Variants in TTC7A observed in about 807,000 individuals in gnomAD.
TTC7A encodes tetratricopeptide repeat domain 7A, also known as tetratricopeptide repeat protein 7A.
A neutral mutation model predicts 103.7 loss-of-function variants in TTC7A; 110 were observed. That is an observed-to-expected ratio of 1.06 (90% CI 0.91 to 1.24). The LOEUF (loss-of-function observed/expected upper bound fraction) is 1.24, where lower values mean the gene tolerates loss of function less well. TTC7A is among the 50% of genes most tolerant of loss of function. The probability of loss-of-function intolerance (pLI) is 0.00; values close to 1 mark genes in which losing one functional copy is unlikely to be tolerated. For synonymous variants in TTC7A, 521 were observed against 467.9 expected (o/e 1.11, Z -1.47); for missense variants, 1,340 against 1,116.3 (o/e 1.20, Z -2.86).
chr2:47,058,797 T>A (rs1683527108), intron 18 of TTC7A, among the ~76,000 whole-genome samples: 1 of 152,000 alleles, frequency 6.6e-6, no homozygotes, highest in Non-Finnish European at 1.5e-5. Flanking sequence ...GCCACGTGGG[T>A]CTGAAATGTG....
intron 19 of TTC7A, among the ~76,000 whole-genome samples, chr2:47,073,246 C>T (rs538125022): frequency 1.8e-4 from 28 of 152,280 alleles, no homozygotes; most frequent in South Asian, 8.3e-4. Flanking sequence ...GACGCATGGC[C>T]CCACTGAGTG....
At chr2:47,019,277 A>C (rs984908293) in intron 11 of TTC7A, among the ~76,000 whole-genome samples, 4 of 152,140 alleles carry the variant, frequency 2.6e-5, no homozygotes, top group African/African-American at 9.7e-5. Flanking sequence ...TCACACCTGT[A>C]ATCCCAGCAC....
rs774395318 is a variant in TTC7A, at chr2:47,008,903, C to CA, written c.1287+2192dup. Among the ~76,000 whole-genome samples, 1,099 of 118,778 alleles carry CA rather than the reference C, an allele frequency of 9.3e-3. 15 individuals are homozygous for CA. Among genetic ancestry groups the CA allele is most frequent in the African/African-American group, 0.028 (918 of 32,690 alleles). The allele number at this position is 118,778 out of a possible 152,430, so 77.9% of individuals were successfully genotyped here. On this transcript the variant is annotated intron_variant, in intron 10 of 19. Coordinates refer to ENST00000319190, the MANE Select transcript of TTC7A (RefSeq NM_020458.4). ...CTGTGTTGCTAGGTAACCAGCATGA[C>CA]AAAAAAAAAAAAAGCTGCTGCTCCG...
intron 2 of TTC7A, 41 bp from the exon 3 acceptor site, chr2:46,956,798 A>G: frequency 6.2e-7 from 1 of 1,610,950 alleles, no homozygotes; most frequent in Non-Finnish European, 8.5e-7. Flanking sequence ...CCCCAAGGTA[A>G]CTTTGGGGCA....
At chr2:46,937,823 G>A (rs1670056277), upstream of TTC7A, among the ~76,000 whole-genome samples, 1 of 152,212 alleles carries the variant, frequency 6.6e-6, no homozygotes, top group South Asian at 2.1e-4. This position sits in a 1 kb window ranked among gnomAD's most constrained non-coding sequence, Gnocchi z 4.0. Flanking sequence ...TCTTTTGGAG[G>A]CTATCGGCAG....
rs192078968 is a variant in TTC7A at position 47,002,280 on chromosome 2, G to C, written c.1066-3642G>C. On this transcript the variant is annotated intron_variant, in intron 8 of 19. Transcript: ENST00000319190. ...CCCAGCGCTGGGCAGCCTTGGGGTG[G>C]GTGTGGGGGTTATGGCAGTGCACAC... 2.8e-3 allele frequency among the ~76,000 whole-genome samples: 422 copies of C among 152,308 alleles called. 4 individuals are homozygous for C. The highest frequency in any genetic ancestry group is 9.8e-3 in the African/African-American group (406 of 41,568).
chr2:46,943,559 C>T (rs931618865), intron 1 of TTC7A, among the ~76,000 whole-genome samples: 1 of 152,202 alleles, frequency 6.6e-6, no homozygotes, highest in African/African-American at 2.4e-5. Context: ...CATGCATATG[C>T]ACACACACAA....
chr2:47,038,882 G>C (rs1437621864), intron 15 of TTC7A, among the ~76,000 whole-genome samples: 1 of 152,036 alleles, frequency 6.6e-6, no homozygotes, highest in African/African-American at 2.4e-5. Flanking sequence ...CCGTTCTTCA[G>C]CAATTTGTTG....
chr2:46,973,234 G>C (rs904104522), intron 3 of TTC7A, among the ~76,000 whole-genome samples: 3 of 152,194 alleles, frequency 2.0e-5, no homozygotes, highest in Non-Finnish European at 4.4e-5. Flanking sequence ...GAAGGGAAGG[G>C]GAGAAACTTG....
At chr2:46,955,784 A>T (rs2104009322) in intron 2 of TTC7A, among the ~76,000 whole-genome samples, 1 of 152,240 alleles carries the variant, frequency 6.6e-6, no homozygotes, top group South Asian at 2.1e-4. Context: ...CCCTACAGGG[A>T]GACAGGGGTA....
intron 2 of TTC7A, among the ~76,000 whole-genome samples, chr2:46,927,704 A>T (rs1007494096): frequency 6.6e-6 from 1 of 152,050 alleles, no homozygotes; most frequent in Non-Finnish European, 1.5e-5. Context: ...CTGACTTCTC[A>T]CAACAGGAAC....
At chr2:46,970,156 A>G (rs1673227181) in intron 3 of TTC7A, among the ~76,000 whole-genome samples, 1 of 151,932 alleles carries the variant, frequency 6.6e-6, no homozygotes, top group Admixed American at 6.6e-5. Flanking sequence ...AGCCCAGCTA[A>G]TTTTTTCTAT....
chr2:47,071,264 C>T (rs1207430704), intron 19 of TTC7A: 1 of 152,190 alleles, frequency 6.6e-6, no homozygotes, highest in African/African-American at 2.4e-5. Context: ...AGGCCCTGGG[C>T]CTCTGGGCCC....
At chr2:46,993,890 C>T (rs1675885151) in intron 6 of TTC7A, among the ~76,000 whole-genome samples, 1 of 152,212 alleles carries the variant, frequency 6.6e-6, no homozygotes, top group Non-Finnish European at 1.5e-5. Context: ...CCTGCCCCAA[C>T]ACAGGCCTGC....
At chr2:46,951,188 G>A (rs1031861317) in intron 2 of TTC7A, among the ~76,000 whole-genome samples, 2 of 152,070 alleles carry the variant, frequency 1.3e-5, no homozygotes, top group African/African-American at 2.4e-5. Flanking sequence ...GGAGGTAGAG[G>A]ACCCACCTCT....
chr2:46,953,920 C>T (rs919370597), intron 2 of TTC7A, among the ~76,000 whole-genome samples: 5 of 151,292 alleles, frequency 3.3e-5, no homozygotes, highest in African/African-American at 9.7e-5. Flanking sequence ...GCCTTGGTCT[C>T]CCAAAGTGCT....
intron 3 of TTC7A, among the ~76,000 whole-genome samples, chr2:46,957,960 G>A (rs1672032214): frequency 6.6e-6 from 1 of 152,112 alleles, no homozygotes; most frequent in African/African-American, 2.4e-5. Flanking sequence ...CTATCTTGTG[G>A]GGAAACTGAG....
At chr2:47,047,453 G>C in intron 16 of TTC7A, 1 of 655,896 alleles carries the variant, frequency 1.5e-6, no homozygotes. Context: ...CTCTGGGGTT[G>C]AGGGACTTTT....
intron 14 of TTC7A, among the ~76,000 whole-genome samples, chr2:47,026,522 G>A (rs967849212): frequency 2.6e-5 from 4 of 152,224 alleles, no homozygotes; most frequent in Non-Finnish European, 4.4e-5. Flanking sequence ...GGAAGGCTGG[G>A]TCTGAGGTTT....
Sources: gnomAD v4.1 joint callset for allele counts (sites outside exome capture counted in the v4.1 genomes callset) on GRCh38, gnomAD v4.1.1 for gene constraint, Gnocchi (gnomAD v3.1) non-coding constraint, MANE v1.5 for transcripts, NCBI Gene and HGNC (gene_info 2026-07-23, HGNC 2026-07-21) for gene names.